PPP2R5E: variants seen among roughly 807,000 people sequenced by gnomAD.
PPP2R5E encodes serine/threonine-protein phosphatase 2A 56 kDa regulatory subunit epsilon isoform.
Under a neutral mutation model 65.3 loss-of-function variants are expected in PPP2R5E, and 4 were observed. The ratio of observed to expected loss-of-function variants is 0.06; its 90% CI spans 0.03 to 0.14. The LOEUF is 0.14. PPP2R5E is among the 10% of genes least tolerant of loss of function. The pLI, the probability that PPP2R5E is intolerant of heterozygous loss-of-function variation, is 1.00. For missense variants in PPP2R5E, 274 were observed against 556.1 expected, an observed-to-expected ratio of 0.49 and a Z score of 5.10; for synonymous variants, 183 against 187.4, an observed-to-expected ratio of 0.98 and a Z score of 0.19.
At chr14:63,404,547 TA>T (rs1885959678) in intron 5 of PPP2R5E, among the ~76,000 whole-genome samples, 1 of 152,122 alleles carries the variant, frequency 6.6e-6, no homozygotes, top group South Asian at 2.1e-4. Context: ...ATGCACTGTA[TA>T]AAATGAAGCA....
intron 1 of PPP2R5E, 50 bp from the exon 2 acceptor site, chr14:63,539,742 T>C (rs1308620445): frequency 4.6e-6 from 7 of 1,511,718 alleles, no homozygotes; most frequent in Non-Finnish European, 6.3e-6. Flanking sequence ...GGTGGAAGCA[T>C]ACATGTGAGT....
chr14:63,495,824 G>A (rs1385694635), intron 2 of PPP2R5E, among the ~76,000 whole-genome samples: 1 of 151,722 alleles, frequency 6.6e-6, no homozygotes, highest in Non-Finnish European at 1.5e-5. Flanking sequence ...CCAAGTAACT[G>A]AGAAAACAGG....
At chr14:63,406,119 G>A (rs1188520783) in intron 5 of PPP2R5E, among the ~76,000 whole-genome samples, 4 of 151,998 alleles carry the variant, frequency 2.6e-5, no homozygotes, top group East Asian at 1.9e-4. Context: ...AATGAAAAAC[G>A]ACAGACTGTT....
chr14:63,459,942 G>A (rs1364468944), intron 2 of PPP2R5E, among the ~76,000 whole-genome samples: 2 of 152,182 alleles, frequency 1.3e-5, no homozygotes, highest in Non-Finnish European at 2.9e-5. Context: ...TATAATAGGT[G>A]AATGTCGAGT....
At chr14:63,535,626 T>TA (rs35897929) in intron 2 of PPP2R5E, among the ~76,000 whole-genome samples, 52,945 of 151,968 alleles carry the variant, frequency 0.35, 11,495 homozygotes, top group African/African-American at 0.62. Flanking sequence ...AATGACATAT[T>TA]AAAAGATGAG....
At chr14:63,489,768 C>T (rs577806731) in intron 2 of PPP2R5E, among the ~76,000 whole-genome samples, 7 of 150,978 alleles carry the variant, frequency 4.6e-5, no homozygotes, top group Non-Finnish European at 7.4e-5. Context: ...AGATTTAGAA[C>T]GTTTCTATCA....
At chr14:63,517,832 G>A (rs565763831) in intron 2 of PPP2R5E, among the ~76,000 whole-genome samples, 2 of 152,186 alleles carry the variant, frequency 1.3e-5, no homozygotes, top group South Asian at 2.1e-4. Context: ...ACCTAACTGC[G>A]GTTTTACTGT....
At chr14:63,384,194 G>C (rs929170334) in intron 12 of PPP2R5E, among the ~76,000 whole-genome samples, 1 of 152,080 alleles carries the variant, frequency 6.6e-6, no homozygotes, top group Non-Finnish European at 1.5e-5. Flanking sequence ...CTCAGCTGCA[G>C]TGCCTCCCCA....
intron 2 of PPP2R5E, among the ~76,000 whole-genome samples, chr14:63,459,643 G>T (rs541182314): frequency 6.6e-6 from 1 of 152,294 alleles, no homozygotes; most frequent in South Asian, 2.1e-4. Context: ...TGAGTTCAAA[G>T]ATGTTTGTTG....
chr14:63,539,379 A>T, intron 2 of PPP2R5E, 150 bp downstream of exon 2: 1 of 721,246 alleles, frequency 1.4e-6, no homozygotes, highest in African/African-American at 1.8e-5. Context: ...GAGAGTGGGT[A>T]TATTTGGTCA....
chr14:63,433,035 T>TTG (rs1555359928), intron 3 of PPP2R5E, among the ~76,000 whole-genome samples: 7 of 119,312 alleles, frequency 5.9e-5, no homozygotes, highest in East Asian at 2.1e-4. Context: ...TTGTTTTGTT[T>TTG]TTTTTTTTTT....
chr14:63,412,037 T>C (rs2139850679), intron 5 of PPP2R5E, among the ~76,000 whole-genome samples: 1 of 152,328 alleles, frequency 6.6e-6, no homozygotes, highest in South Asian at 2.1e-4. Context: ...GCCGATAGCA[T>C]ATTTAGGTTA....
At chr14:63,493,012 G>A (rs1891355254) in intron 2 of PPP2R5E, among the ~76,000 whole-genome samples, 1 of 152,118 alleles carries the variant, frequency 6.6e-6, no homozygotes, top group South Asian at 2.1e-4. Flanking sequence ...GCAACACAAA[G>A]TCAAGAGCAG....
chr14:63,480,006 A>G (rs1313439961), intron 2 of PPP2R5E, among the ~76,000 whole-genome samples: 1 of 152,200 alleles, frequency 6.6e-6, no homozygotes, highest in Non-Finnish European at 1.5e-5. Context: ...TTTTTGTAAT[A>G]TAAATATTAA....
Position 63,375,975 on chromosome 14 carries a change from C to G in PPP2R5E, c.*34G>C, listed in dbSNP as rs757082203. ...TCTTCTACTACATAAACGTGTGACTCCACAGGTTAGTAATGTTGTTGTCAT... is the reference window on the plus strand; with the variant it reads ...TCTTCTACTACATAAACGTGTGACTGCACAGGTTAGTAATGTTGTTGTCAT... On this transcript the variant is annotated 3_prime_UTR_variant, in exon 14 of 14. Transcript: ENST00000337537. 7 of 1,431,214 alleles carry G rather than the reference C, an allele frequency of 4.9e-6. No individual in the cohort carries two copies. Among genetic ancestry groups the G allele is most frequent in the Non-Finnish European group, 6.9e-6 (7 of 1,018,542 alleles). The allele number at this position is 1,431,214 out of a possible 1,614,324, so 88.7% of individuals were successfully genotyped here. A position where few individuals can be genotyped will look rare whatever the true frequency, so the allele number is the denominator to read the frequency against.
At chr14:63,488,471 G>A (rs1378901449) in intron 2 of PPP2R5E, among the ~76,000 whole-genome samples, 2 of 152,104 alleles carry the variant, frequency 1.3e-5, no homozygotes, top group Admixed American at 1.3e-4. Flanking sequence ...CCAAAGTGCT[G>A]AGATTGCAGG....
At chr14:63,528,026 C>T (rs1486000140) in intron 2 of PPP2R5E, among the ~76,000 whole-genome samples, 1 of 151,504 alleles carries the variant, frequency 6.6e-6, no homozygotes, top group Non-Finnish European at 1.5e-5. Flanking sequence ...GGAAACTATG[C>T]TTAATTCTAC....
chr14:63,502,051 C>T (rs1342411440), intron 2 of PPP2R5E, among the ~76,000 whole-genome samples: 1 of 152,066 alleles, frequency 6.6e-6, no homozygotes, highest in Non-Finnish European at 1.5e-5. Flanking sequence ...CGCACCATCA[C>T]GCCCAGCTAA....
At chr14:63,484,367 A>C (rs545670994) in intron 2 of PPP2R5E, among the ~76,000 whole-genome samples, 1 of 151,830 alleles carries the variant, frequency 6.6e-6, no homozygotes, top group South Asian at 2.1e-4. Context: ...ACACACACAC[A>C]CACACACACA....
Sources: gnomAD v4.1 joint callset for allele counts (sites outside exome capture counted in the v4.1 genomes callset) on GRCh38, gnomAD v4.1.1 for gene constraint, MANE v1.5 for transcripts, NCBI Gene and HGNC (gene_info 2026-07-23, HGNC 2026-07-21) for gene names.